Variants in ANXA1 observed in about 807,000 individuals in gnomAD.
The protein encoded by ANXA1 is annexin A1, also known as annexin I (lipocortin I).
In ANXA1, 39 loss-of-function variants were observed where a neutral mutation model predicts 47.9. The ratio of observed to expected loss-of-function variants is 0.81; its 90% CI spans 0.63 to 1.06. ANXA1 has a LOEUF of 1.06. Ranked by LOEUF, ANXA1 falls within the 50% of genes least tolerant of loss-of-function variation. The pLI, the probability that ANXA1 is intolerant of heterozygous loss-of-function variation, is 0.00. For missense variants in ANXA1, 446 were observed against 422.7 expected, an observed-to-expected ratio of 1.06 and a Z score of -0.48; for synonymous variants, 146 against 142.5, an observed-to-expected ratio of 1.02 and a Z score of -0.17.
intron 6 of ANXA1, 42 bp downstream of exon 6, chr9:73,160,935 A>G: frequency 2.3e-6 from 3 of 1,314,850 alleles, no homozygotes; most frequent in Non-Finnish European, 3.3e-6. Flanking sequence ...TTATTTGAAA[A>G]GGAAATCTAA....
intron 9 of ANXA1, chr9:73,165,495 T>C (rs913748593): frequency 4.8e-6 from 1 of 208,808 alleles, no homozygotes; most frequent in Non-Finnish European, 9.2e-6. Context: ...GGAAAAGACA[T>C]GCATAACAGA....
intron 1 of ANXA1, among the ~76,000 whole-genome samples, chr9:73,156,783 CCT>C (rs1476011384): frequency 6.6e-6 from 1 of 152,148 alleles, no homozygotes; most frequent in Non-Finnish European, 1.5e-5. Flanking sequence ...GTCCTCCCAA[CCT>C]CTCTCACAAA....
intron 8 of ANXA1, 40 bp downstream of exon 8, chr9:73,163,572 C>T (rs761864728): frequency 2.7e-5 from 43 of 1,605,024 alleles, no homozygotes; most frequent in Middle Eastern, 3.3e-4. Context: ...AGTTCATCTT[C>T]CTACCTTAAG....
At chr9:73,157,266 T>G (rs933627114) in intron 1 of ANXA1, among the ~76,000 whole-genome samples, 4 of 152,172 alleles carry the variant, frequency 2.6e-5, no homozygotes, top group Admixed American at 2.6e-4. Context: ...AACTAAATTA[T>G]TCAGGGAGAA....
intron 11 of ANXA1, chr9:73,168,784 G>A (rs1824274701): frequency 9.7e-6 from 3 of 308,882 alleles, no homozygotes; most frequent in Non-Finnish European, 6.0e-6. Flanking sequence ...TGTAGAGACC[G>A]GATGGTGAGA....
intron 9 of ANXA1, 71 bp from the exon 10 acceptor site, chr9:73,166,026 C>T: frequency 8.2e-7 from 1 of 1,217,572 alleles, no homozygotes; most frequent in South Asian, 1.4e-5. Context: ...GAGTCAGTTG[C>T]CTTGATTTTG....
rs1270604748 is a variant in ANXA1 at position 73,158,768 on chromosome 9, A to T, written c.140A>T (p.Asp47Val). Residue 47 changes from aspartate to valine, a missense_variant, in exon 3 of 13, where the codon GAT becomes GTT. By Grantham distance (152) the Asp-to-Val change is radical. Coordinates refer to ENST00000257497, the MANE Select transcript of ANXA1 (RefSeq NM_000700.3). Reference sequence around the variant, plus strand: ...TATCCTACCTTCAATCCATCCTCGGATGTCGCTGCCTTGCATAAGGCCATA... The same window carrying T: ...TATCCTACCTTCAATCCATCCTCGGTTGTCGCTGCCTTGCATAAGGCCATA... The part of the protein sequence containing the change: ...SPYPTFNPSS[D>V]VAALHKAIMV... 1 of 1,613,800 alleles carries T rather than the reference A, an allele frequency of 6.2e-7. No homozygotes were observed. Among genetic ancestry groups the T allele is most frequent in the African/African-American group, 1.3e-5 (1 of 74,910 alleles).
Position 73,167,490 on chromosome 9 carries a change from C to G in ANXA1, c.803-7C>G, listed in dbSNP as rs372730961. 2 of 1,611,866 alleles carry G rather than the reference C, an allele frequency of 1.2e-6. No individual in the cohort carries two copies. Among genetic ancestry groups the G allele is most frequent in the Admixed American group, 1.7e-5 (1 of 59,642 alleles). On this transcript the variant is annotated splice_region_variant and splice_polypyrimidine_tract_variant and intron_variant, in intron 10 of 12. Coordinates refer to ENST00000257497, the MANE Select transcript of ANXA1 (RefSeq NM_000700.3). ...AATACATCAACTAAAATTTTCTTCTCTAACAGTGAAGTGCGCCACAAGCAA... is the reference window on the plus strand; with the variant it reads ...AATACATCAACTAAAATTTTCTTCTGTAACAGTGAAGTGCGCCACAAGCAA...
At chr9:73,169,200 T>C in intron 12 of ANXA1, 46 bp downstream of exon 12, 1 of 1,548,016 alleles carries the variant, frequency 6.5e-7, no homozygotes, top group Non-Finnish European at 8.7e-7. Context: ...TGAAAGTTCT[T>C]TTTGCAAGAT....
chr9:73,155,152 A>G (rs1469500496), intron 1 of ANXA1, among the ~76,000 whole-genome samples: 1 of 152,230 alleles, frequency 6.6e-6, no homozygotes, highest in Non-Finnish European at 1.5e-5. Context: ...CAAAAAGACC[A>G]TTAATTAGAA....
At chr9:73,165,060 T>G (rs1391003084) in intron 8 of ANXA1, 56 bp from the exon 9 acceptor site, 2 of 1,377,096 alleles carry the variant, frequency 1.5e-6, no homozygotes, top group African/African-American at 2.9e-5. Flanking sequence ...CTAACATTAT[T>G]GTGCAGATAT....
intron 7 of ANXA1, 116 bp downstream of exon 7, chr9:73,162,977 GT>G: frequency 1.2e-6 from 1 of 851,782 alleles, no homozygotes; most frequent in Non-Finnish European, 1.8e-6. Flanking sequence ...AGATAAAAAG[GT>G]TTATTTGGCT....
chr9:73,165,799 T>A lies in ANXA1; in HGVS notation c.707-298T>A, dbSNP rs117164962. Among the ~76,000 whole-genome samples the A allele has an allele frequency of 4.7e-4, 72 of 152,008 alleles. 2 individuals carry two copies. The East Asian group carries it at 0.013, about 28-fold the overall frequency. On this transcript the variant is annotated intron_variant, in intron 9 of 12. Transcript: ENST00000257497. ...TATATAAGGGAAGATCCATTTGCTG[T>A]GGCTCTTAGAACTGCTGTAGGAAGT...
Position 73,170,193 on chromosome 9 carries a change from A to G in ANXA1, c.*86A>G. 8.5e-7 allele frequency: 1 copy of G among 1,177,834 alleles called. No individual in the cohort carries two copies. Among genetic ancestry groups the G allele is most frequent in the East Asian group, 2.5e-5 (1 of 40,010 alleles). 73.0% of individuals were successfully genotyped at this position (1,177,834 alleles called of 1,614,324 possible). A position where few individuals can be genotyped will look rare whatever the true frequency, so the allele number is the denominator to read the frequency against. The stretch of plus-strand genomic sequence containing the variant: ...TAAGCTTAAATAGGAAAGTTTCTTC[A>G]ACAGGATTACAGTGTAGCTACCTAC... On this transcript the variant is annotated 3_prime_UTR_variant, in exon 13 of 13. Coordinates refer to ENST00000257497, the MANE Select transcript of ANXA1 (RefSeq NM_000700.3).
At chr9:73,159,273 T>C (rs1824098731) in intron 3 of ANXA1, 56 bp from the exon 4 acceptor site, 5 of 1,322,544 alleles carry the variant, frequency 3.8e-6, no homozygotes, top group South Asian at 3.6e-5. Flanking sequence ...AATTATTTTA[T>C]GTCAATTGAT....
At chr9:73,162,148 G>A (rs961687237) in intron 6 of ANXA1, among the ~76,000 whole-genome samples, 20 of 152,072 alleles carry the variant, frequency 1.3e-4, no homozygotes, top group African/African-American at 3.9e-4. Context: ...TGAGGGATCT[G>A]CCCCCATCAT....
chr9:73,156,151 A>ATATAAATAAATAAAT (rs1491573417), intron 1 of ANXA1, among the ~76,000 whole-genome samples: 1 of 112,736 alleles, frequency 8.9e-6, no homozygotes, highest in East Asian at 2.3e-4. Flanking sequence ...TAAATAATAT[A>ATATAAATAAATAAAT]AATAAATAAA....
intron 1 of ANXA1, 68 bp from the exon 2 acceptor site, chr9:73,158,453 GA>G (rs1223685704): frequency 8.5e-7 from 1 of 1,175,280 alleles, no homozygotes; most frequent in East Asian, 2.4e-5. Context: ...ATGTATGTAA[GA>G]GGTGAGGAAG....
intron 1 of ANXA1, among the ~76,000 whole-genome samples, chr9:73,156,387 C>T (rs544572446): frequency 2.8e-4 from 42 of 152,006 alleles, no homozygotes; most frequent in Admixed American, 1.2e-3. Context: ...ATGTGGCAAC[C>T]GCAATTGCAT....
Sources: gnomAD v4.1 joint callset for allele counts (sites outside exome capture counted in the v4.1 genomes callset) on GRCh38, gnomAD v4.1.1 for gene constraint, MANE v1.5 for transcripts, NCBI Gene and HGNC (gene_info 2026-07-23, HGNC 2026-07-21) for gene names.